The following HDAC9 variants were observed in gnomAD, a reference collection of about 807,000 sequenced individuals.
The protein encoded by HDAC9 is MEF-2 interacting transcription repressor (MITR) protein.
In HDAC9, 41 loss-of-function variants were observed where a neutral mutation model predicts 139.4. The ratio of observed to expected loss-of-function variants is 0.29; its 90% CI spans 0.23 to 0.38. The LOEUF is 0.38. HDAC9 is among the 10% of genes least tolerant of loss of function. The pLI is 1.00. For missense variants in HDAC9, 1,147 were observed against 1,297.0 expected (o/e 0.88, Z 1.78); for synonymous variants, 517 against 476.2 (o/e 1.09, Z -1.12).
Position 18,275,112 on chromosome 7 carries a change from A to T in HDAC9, c.25+112763A>T, listed in dbSNP as rs193195726. On this transcript the variant is annotated intron_variant, in intron 2 of 12. Coordinates refer to the HDAC9 transcript ENST00000417496. The stretch of plus-strand genomic sequence containing the variant: ...GCTAGCATTTCAGCAAAATTGCTCT[A>T]CACACAGTGTTTCCCATATCAATTA... Among the ~76,000 whole-genome samples the T allele has an allele frequency of 1.1e-3, 173 of 152,262 alleles. 1 individual carries two copies. The highest frequency in any genetic ancestry group is 1.3e-3 in the Non-Finnish European group (88 of 68,012).
chr7:18,648,041 A>G, intron 10 of HDAC9, 43 bp downstream of exon 10: 1 of 1,407,814 alleles, frequency 7.1e-7, no homozygotes, highest in Non-Finnish European at 9.8e-7. Flanking sequence ...TTAGGGTTTT[A>G]TTTTATTAGT....
chr7:18,489,480 GA>G (rs1796208794), intron 1 of HDAC9, among the ~76,000 whole-genome samples: 2 of 151,886 alleles, frequency 1.3e-5, no homozygotes, highest in Non-Finnish European at 2.9e-5. Flanking sequence ...TAACAATCCT[GA>G]GAAATTTATT....
intron 2 of HDAC9, among the ~76,000 whole-genome samples, chr7:18,508,959 G>A (rs1800619342): frequency 6.6e-6 from 1 of 152,168 alleles, no homozygotes; most frequent in Non-Finnish European, 1.5e-5. Context: ...CACAGTCGTC[G>A]TTGGGTTAGC....
intron 12 of HDAC9, among the ~76,000 whole-genome samples, chr7:18,696,465 C>A (rs1464064870): frequency 4.1e-5 from 6 of 146,852 alleles, no homozygotes; most frequent in Admixed American, 4.1e-4. Flanking sequence ...GGTTGCTTTT[C>A]TTTTTTTGCT....
chr7:18,972,503 C>G (rs1784307928), intron 24 of HDAC9, among the ~76,000 whole-genome samples: 2 of 151,510 alleles, frequency 1.3e-5, no homozygotes, highest in Non-Finnish European at 2.9e-5. Context: ...GCCTCAGCCT[C>G]CGGAGTAGCC....
intron 2 of HDAC9, among the ~76,000 whole-genome samples, chr7:18,168,160 CTTAA>C (rs1006492681): frequency 1.4e-4 from 21 of 152,198 alleles, no homozygotes; most frequent in South Asian, 1.2e-3. Flanking sequence ...ATTATATGTC[CTTAA>C]TTAGTGTTTA....
chr7:18,881,790 T>C (rs142892951), intron 22 of HDAC9, among the ~76,000 whole-genome samples: 27 of 152,254 alleles, frequency 1.8e-4, no homozygotes, highest in African/African-American at 6.0e-4. Context: ...TTATTACTTA[T>C]CTGTAATCAG....
At chr7:18,466,159 G>A (rs1400531691) in intron 1 of HDAC9, among the ~76,000 whole-genome samples, 1 of 152,058 alleles carries the variant, frequency 6.6e-6, no homozygotes, top group Non-Finnish European at 1.5e-5. Flanking sequence ...GCTTCTTGAG[G>A]TTACTCACCT....
Position 18,929,259 on chromosome 7 carries a change from A to G in HDAC9, c.2804-6550A>G, listed in dbSNP as rs576732902. ...ACCAACCCCTATAAAGTATCAGGAA[A>G]TCAAATTGAAATTGATAATTTGAAA... On this transcript the variant is annotated intron_variant, in intron 22 of 25. Transcript: ENST00000686413. Among the ~76,000 whole-genome samples the G allele has an allele frequency of 1.1e-4, 16 of 152,278 alleles. No homozygotes were observed. The East Asian group carries it at 2.5e-3, about 24-fold the overall frequency.
chr7:18,861,179 A>G (rs1798077031), intron 21 of HDAC9, among the ~76,000 whole-genome samples: 1 of 152,220 alleles, frequency 6.6e-6, no homozygotes, highest in Admixed American at 6.5e-5. Flanking sequence ...CTTTTATACA[A>G]TAATGACTGG....
intron 2 of HDAC9, among the ~76,000 whole-genome samples, chr7:18,194,134 A>T (rs1308222509): frequency 1.3e-5 from 2 of 152,120 alleles, no homozygotes; most frequent in African/African-American, 4.8e-5. Flanking sequence ...GGTCTAGAAA[A>T]ACTGCTTCTT....
At chr7:18,546,493 A>G (rs2128638180) in intron 2 of HDAC9, among the ~76,000 whole-genome samples, 1 of 152,224 alleles carries the variant, frequency 6.6e-6, no homozygotes, top group East Asian at 1.9e-4. Flanking sequence ...ATACTCAATA[A>G]ATTATAGCTT....
intron 1 of HDAC9, among the ~76,000 whole-genome samples, chr7:18,463,245 C>T (rs1439601637): frequency 6.6e-6 from 1 of 151,806 alleles, no homozygotes; most frequent in African/African-American, 2.4e-5. Context: ...AGAGTTGGCG[C>T]CAAGATATAC....
chr7:18,969,353 A>C (rs1679957317), intron 24 of HDAC9, among the ~76,000 whole-genome samples: 1 of 152,204 alleles, frequency 6.6e-6, no homozygotes, highest in African/African-American at 2.4e-5. Context: ...GCTACATTTT[A>C]GCCATCCTAA....
chr7:18,093,407 T>C (rs1039550259), intron 1 of HDAC9, among the ~76,000 whole-genome samples: 1 of 152,212 alleles, frequency 6.6e-6, no homozygotes, highest in Non-Finnish European at 1.5e-5. Context: ...AGTGCTACAA[T>C]TGCTGTTGGG....
chr7:18,666,238 T>C lies in HDAC9; in HGVS notation c.1493T>C (p.Leu498Pro). ...CTGCTTTCGAAATCTATTGAACAAC[T>C]GAAGCAACCAGGCAGTCACCTTGAG... The part of the protein sequence containing the change: ...NKLLSKSIEQ[L>P]KQPGSHLEEA... Residue 498 changes from leucine (L) to proline (P), a missense_variant, in exon 12 of 26, where the codon CTG becomes CCG. Physicochemically the swap from Leu to Pro is moderately conservative, Grantham distance 98 (BLOSUM62 -3). This residue lies in a region of HDAC9 where 256 missense variants were observed against 219.2 expected (regional missense o/e 1.17). Transcript: ENST00000686413. The C allele has an allele frequency of 6.2e-7, 1 of 1,612,746 alleles. No individual in the cohort carries two copies.
At chr7:18,209,268 A>G (rs1321863857) in intron 2 of HDAC9, among the ~76,000 whole-genome samples, 5 of 152,210 alleles carry the variant, frequency 3.3e-5, no homozygotes, top group Non-Finnish European at 7.3e-5. Flanking sequence ...ATTACTTTCC[A>G]TAATAAACCC....
chr7:18,300,531 A>AT (rs1306292507), intron 1 of HDAC9, among the ~76,000 whole-genome samples: 1 of 152,128 alleles, frequency 6.6e-6, no homozygotes, highest in Non-Finnish European at 1.5e-5. Flanking sequence ...AAAAAAAAAA[A>AT]GCAGTTTAAC....
chr7:18,313,673 CAATTT>C (rs1799460771), intron 1 of HDAC9, among the ~76,000 whole-genome samples: 2 of 152,158 alleles, frequency 1.3e-5, no homozygotes, highest in Non-Finnish European at 2.9e-5. Flanking sequence ...CACACACTAA[CAATTT>C]AATTTAAAAT....
Sources: gnomAD v4.1 joint callset for allele counts (sites outside exome capture counted in the v4.1 genomes callset) on GRCh38, gnomAD v4.1.1 for gene constraint, gnomAD v4.1.1 regional missense constraint, MANE v1.5 for transcripts, NCBI Gene and HGNC (gene_info 2026-07-23, HGNC 2026-07-21) for gene names.